Variants in ZMAT4 observed in about 807,000 individuals in gnomAD.
ZMAT4 encodes the protein zinc finger matrin-type 4.
A neutral mutation model predicts 28.7 loss-of-function variants in ZMAT4; 17 were observed. The observed-to-expected ratio is 0.59, with a 90% CI of 0.41 to 0.89. The LOEUF (loss-of-function observed/expected upper bound fraction) is 0.89. ZMAT4 is among the 40% of genes least tolerant of loss of function. ZMAT4 has a pLI of 0.00. For synonymous variants in ZMAT4, 117 were observed against 109.2 expected, an observed-to-expected ratio of 1.07 and a Z score of -0.44; for missense variants, 240 against 283.8, an observed-to-expected ratio of 0.85 and a Z score of 1.11.
intron 2 of ZMAT4, among the ~76,000 whole-genome samples, chr8:40,779,476 G>A (rs2150570705): frequency 6.6e-6 from 1 of 152,118 alleles, no homozygotes; most frequent in Non-Finnish European, 1.5e-5. Context: ...AGAGGTGAGG[G>A]CACGCAAAGC....
At chr8:40,655,914 T>TA (rs920196806) in intron 5 of ZMAT4, among the ~76,000 whole-genome samples, 15 of 152,076 alleles carry the variant, frequency 9.9e-5, no homozygotes, top group African/African-American at 2.4e-4. Context: ...TTCAATGTGA[T>TA]AAAAAAATGC....
chr8:40,560,045 C>T (rs2118461440), intron 6 of ZMAT4, among the ~76,000 whole-genome samples: 1 of 152,102 alleles, frequency 6.6e-6, no homozygotes, highest in South Asian at 2.1e-4. Flanking sequence ...GAGGTCTGTT[C>T]CACTCTCCCA....
intron 5 of ZMAT4, among the ~76,000 whole-genome samples, chr8:40,642,712 T>C (rs1807096501): frequency 1.3e-5 from 2 of 152,232 alleles, no homozygotes; most frequent in Admixed American, 1.3e-4. Flanking sequence ...CCAGGATATG[T>C]GAGCTAAGTC....
chr8:40,769,570 C>A (rs1341296953), intron 2 of ZMAT4, among the ~76,000 whole-genome samples: 3 of 152,142 alleles, frequency 2.0e-5, no homozygotes, highest in Admixed American at 2.0e-4. Flanking sequence ...AGAGCCTGAG[C>A]TGGTGATAAA....
intron 5 of ZMAT4, among the ~76,000 whole-genome samples, chr8:40,628,049 A>G (rs1469693012): frequency 6.6e-6 from 1 of 152,214 alleles, no homozygotes; most frequent in Non-Finnish European, 1.5e-5. Flanking sequence ...GGACACACAG[A>G]AGAGCTAGAG....
intron 6 of ZMAT4, among the ~76,000 whole-genome samples, chr8:40,535,101 A>G (rs1373683106): frequency 1.3e-5 from 2 of 152,166 alleles, no homozygotes; most frequent in Non-Finnish European, 2.9e-5. Flanking sequence ...CTGCCTTCCC[A>G]AAAGAGAAGT....
intron 3 of ZMAT4, among the ~76,000 whole-genome samples, chr8:40,747,812 A>G (rs1256850854): frequency 6.6e-6 from 1 of 152,190 alleles, no homozygotes; most frequent in East Asian, 1.9e-4. Flanking sequence ...ATGACCATTC[A>G]TTTCTGGGGT....
At chr8:40,734,440 A>T (rs959594903) in intron 3 of ZMAT4, among the ~76,000 whole-genome samples, 1 of 152,182 alleles carries the variant, frequency 6.6e-6, no homozygotes, top group Non-Finnish European at 1.5e-5. Context: ...AAAGAAAACA[A>T]AGTCTGGAAG....
chr8:40,802,400 T>C (rs4737179), intron 2 of ZMAT4, among the ~76,000 whole-genome samples: 108,775 of 151,740 alleles, frequency 0.72, 39,211 homozygotes, highest in Middle Eastern at 0.79. Flanking sequence ...AAGGCTAGTA[T>C]ATAAAAGTCT....
intron 3 of ZMAT4, among the ~76,000 whole-genome samples, chr8:40,749,720 G>C (rs895584822): frequency 3.3e-5 from 5 of 152,172 alleles, no homozygotes; most frequent in African/African-American, 1.2e-4. Flanking sequence ...GCAGGAGTGA[G>C]TGAAAGTTAT....
At chr8:40,848,353 A>G (rs1017804836) in intron 1 of ZMAT4, among the ~76,000 whole-genome samples, 3 of 152,248 alleles carry the variant, frequency 2.0e-5, no homozygotes, top group African/African-American at 7.2e-5. Flanking sequence ...TTTTAGTGTG[A>G]TGATTCTCAG....
intron 5 of ZMAT4, among the ~76,000 whole-genome samples, chr8:40,649,982 C>T (rs1193836701): frequency 6.6e-6 from 1 of 151,436 alleles, no homozygotes; most frequent in East Asian, 1.9e-4. Flanking sequence ...AGGAAAGATC[C>T]AAAATTGACA....
chr8:40,598,426 T>C (rs1805177461), intron 5 of ZMAT4, among the ~76,000 whole-genome samples: 1 of 152,172 alleles, frequency 6.6e-6, no homozygotes, highest in Non-Finnish European at 1.5e-5. Flanking sequence ...TGTATTCTCA[T>C]TGTTCAACTG....
intron 5 of ZMAT4, among the ~76,000 whole-genome samples, chr8:40,648,565 T>C (rs911454288): frequency 2.3e-5 from 3 of 128,842 alleles, no homozygotes; most frequent in Admixed American, 8.5e-5. Context: ...ATTCAGGAAA[T>C]ACAGAGAACG....
intron 2 of ZMAT4, among the ~76,000 whole-genome samples, chr8:40,776,959 G>A (rs1183201262): frequency 1.4e-5 from 2 of 145,864 alleles, no homozygotes; most frequent in African/African-American, 5.1e-5. Flanking sequence ...TGAGTTTATT[G>A]CGTATGTAAC....
chr8:40,637,188 T>C (rs761394274), intron 5 of ZMAT4, among the ~76,000 whole-genome samples: 1 of 152,024 alleles, frequency 6.6e-6, no homozygotes, highest in Non-Finnish European at 1.5e-5. Flanking sequence ...CTCAGTCAAA[T>C]TGCAAACGTT....
intron 6 of ZMAT4, among the ~76,000 whole-genome samples, chr8:40,536,134 A>G (rs953454602): frequency 6.6e-6 from 1 of 152,230 alleles, no homozygotes; most frequent in South Asian, 2.1e-4. Flanking sequence ...ATGAAGTTAT[A>G]TTTCCAAAAT....
chr8:40,537,873 C>T (rs1802897356), intron 6 of ZMAT4, among the ~76,000 whole-genome samples: 1 of 152,144 alleles, frequency 6.6e-6, no homozygotes, highest in African/African-American at 2.4e-5. Flanking sequence ...ATTTGGGTGA[C>T]TCCATTCCCT....
chr8:40,820,898 T>C (rs796905279), intron 2 of ZMAT4, among the ~76,000 whole-genome samples: 1 of 18,504 alleles, frequency 5.4e-5, no homozygotes, highest in Admixed American at 6.7e-4. Flanking sequence ...TGTTTATGTG[T>C]GTGTTTGTGT....
Sources: gnomAD v4.1 joint callset for allele counts (sites outside exome capture counted in the v4.1 genomes callset) on GRCh38, gnomAD v4.1.1 for gene constraint, MANE v1.5 for transcripts, NCBI Gene and HGNC (gene_info 2026-07-23, HGNC 2026-07-21) for gene names.